The following GABRG3 variants were observed in gnomAD, a reference collection of about 807,000 sequenced individuals.
GABRG3 encodes gamma-aminobutyric acid receptor subunit gamma-3.
A neutral mutation model predicts 48.8 loss-of-function variants in GABRG3; 25 were observed. The ratio of observed to expected loss-of-function variants is 0.51; its 90% CI spans 0.37 to 0.72. GABRG3 has a LOEUF of 0.72. Among genes scored for constraint, GABRG3 ranks in the 30% least tolerant of loss-of-function variants. The pLI, the probability that GABRG3 is intolerant of heterozygous loss-of-function variation, is 0.00. For missense variants in GABRG3, 394 were observed against 577.9 expected (o/e 0.68, Z 3.26); for synonymous variants, 227 against 217.6 (o/e 1.04, Z -0.38).
At chr15:27,323,613 G>A (rs941692013) in intron 3 of GABRG3, among the ~76,000 whole-genome samples, 1 of 152,188 alleles carries the variant, frequency 6.6e-6, no homozygotes, top group Non-Finnish European at 1.5e-5. Context: ...ATCCTGCCAG[G>A]ATGGAGGGAA....
At chr15:27,487,310 T>G (rs1890244331) in intron 6 of GABRG3, among the ~76,000 whole-genome samples, 1 of 152,224 alleles carries the variant, frequency 6.6e-6, no homozygotes, top group Non-Finnish European at 1.5e-5. Flanking sequence ...CCTGAATAAA[T>G]TATAACATTT....
At chr15:27,115,381 C>T (rs1897623138) in intron 3 of GABRG3, among the ~76,000 whole-genome samples, 1 of 152,156 alleles carries the variant, frequency 6.6e-6, no homozygotes, top group Non-Finnish European at 1.5e-5. Context: ...GCACAGAACA[C>T]GGTGGACCCA....
chr15:27,483,482 G>A (rs1890146062), intron 6 of GABRG3, among the ~76,000 whole-genome samples: 1 of 152,198 alleles, frequency 6.6e-6, no homozygotes, highest in African/African-American at 2.4e-5. Context: ...CAGGTACTGA[G>A]GGTTAGGACT....
chr15:27,114,121 A>T (rs1897602422), intron 3 of GABRG3, among the ~76,000 whole-genome samples: 1 of 152,178 alleles, frequency 6.6e-6, no homozygotes, highest in Admixed American at 6.5e-5. Flanking sequence ...TTTTTAATAG[A>T]TTATTTGCAG....
intron 5 of GABRG3, among the ~76,000 whole-genome samples, chr15:27,395,674 T>TA (rs890668578): frequency 2.0e-5 from 3 of 151,932 alleles, no homozygotes; most frequent in African/African-American, 7.3e-5. Context: ...ACATCCATAA[T>TA]AAAAAAATGA....
chr15:27,449,943 A>C (rs554974618), intron 5 of GABRG3, among the ~76,000 whole-genome samples: 97 of 152,354 alleles, frequency 6.4e-4, no homozygotes, highest in Middle Eastern at 3.4e-3. Flanking sequence ...TACTTTTTCT[A>C]TAGGTGTACA....
intron 5 of GABRG3, among the ~76,000 whole-genome samples, chr15:27,438,715 C>G (rs1477905344): frequency 6.6e-6 from 1 of 152,196 alleles, no homozygotes; most frequent in East Asian, 1.9e-4. Flanking sequence ...AGATGAATCA[C>G]CAAGAGAATG....
chr15:27,404,131 G>A (rs1887562781), intron 5 of GABRG3, among the ~76,000 whole-genome samples: 1 of 152,144 alleles, frequency 6.6e-6, no homozygotes, highest in African/African-American at 2.4e-5. Context: ...TGAGGCAGGA[G>A]AATGGCACGA....
chr15:27,479,025 GA>G (rs1422262497), intron 5 of GABRG3, among the ~76,000 whole-genome samples: 1 of 151,924 alleles, frequency 6.6e-6, no homozygotes, highest in East Asian at 1.9e-4. Context: ...GGAAAGGGGG[GA>G]AAAGGGGAGT....
intron 3 of GABRG3, among the ~76,000 whole-genome samples, chr15:27,301,913 A>AT (rs1355391593): frequency 6.6e-6 from 1 of 152,112 alleles, no homozygotes; most frequent in African/African-American, 2.4e-5. Context: ...GAGGCATGGC[A>AT]TTTTTCAAGT....
At chr15:27,312,182 T>C (rs545962856) in intron 3 of GABRG3, among the ~76,000 whole-genome samples, 1 of 152,204 alleles carries the variant, frequency 6.6e-6, no homozygotes, top group South Asian at 2.1e-4. Flanking sequence ...TTGAGGGGTT[T>C]AACAGCAGAG....
chr15:26,982,882 T>G (rs2140639666), intron 2 of GABRG3, among the ~76,000 whole-genome samples: 1 of 152,320 alleles, frequency 6.6e-6, no homozygotes, highest in East Asian at 1.9e-4. Context: ...ATCTGGTCCC[T>G]GGGGCAGCAG....
chr15:27,227,293 C>T (rs1889652699), intron 3 of GABRG3, among the ~76,000 whole-genome samples: 1 of 152,098 alleles, frequency 6.6e-6, no homozygotes, highest in Admixed American at 6.5e-5. Context: ...CAGTTTGAGA[C>T]AAGTCTGGAC....
intron 3 of GABRG3, among the ~76,000 whole-genome samples, chr15:27,313,286 A>ATG (rs1461098976): frequency 3.7e-5 from 4 of 109,122 alleles, no homozygotes; most frequent in Admixed American, 3.0e-4. Flanking sequence ...ATATATATAT[A>ATG]TATATATATA....
intron 5 of GABRG3, among the ~76,000 whole-genome samples, chr15:27,335,807 A>G (rs1197604882): frequency 8.5e-5 from 13 of 152,228 alleles, no homozygotes; most frequent in Non-Finnish European, 8.8e-5. Context: ...AATGATTAAA[A>G]TGATACATTT....
intron 3 of GABRG3, among the ~76,000 whole-genome samples, chr15:27,153,157 G>A (rs1028923609): frequency 1.3e-5 from 2 of 152,194 alleles, no homozygotes; most frequent in Non-Finnish European, 2.9e-5. Context: ...CACGGCGCCT[G>A]GCCTGAGTTA....
In GABRG3 at chr15:27,388,289, A is replaced by G. The variant is rs1407703236; in HGVS notation, c.574+59401A>G. Among the ~76,000 whole-genome samples the G allele has an allele frequency of 5.5e-4, 24 of 43,878 alleles. 5 individuals are homozygous for G. The highest frequency in any genetic ancestry group is 5.1e-3 in the East Asian group (4 of 786). 28.8% of individuals were successfully genotyped at this position (43,878 alleles called of 152,430 possible). A position where few individuals can be genotyped will look rare whatever the true frequency, so the allele number is the denominator to read the frequency against. ...AGGGAGGGAGGGTAAGGAAGGAAGG[A>G]AGAAAAGAAGGAAGGAAAGGGAGGG... is the stretch of plus-strand genomic sequence containing the variant. On this transcript the variant is annotated intron_variant, in intron 5 of 9. Transcript: ENST00000615808.
intron 2 of GABRG3, among the ~76,000 whole-genome samples, chr15:27,008,746 G>A (rs945127379): frequency 1.3e-5 from 2 of 151,854 alleles, no homozygotes; most frequent in African/African-American, 2.4e-5. Flanking sequence ...ATATTAATCC[G>A]GTAAATGGCA....
intron 1 of GABRG3, 118 bp downstream of exon 1, chr15:26,971,706 G>C (rs1894849071): frequency 1.7e-6 from 2 of 1,168,712 alleles, no homozygotes; most frequent in Admixed American, 3.7e-5. Context: ...GGCACGGCGG[G>C]CCGGGAGGGG....
Sources: allele counts gnomAD v4.1 joint callset (sites outside exome capture counted in the v4.1 genomes callset), GRCh38; gene constraint gnomAD v4.1.1; transcripts MANE v1.5; gene names NCBI Gene and HGNC (gene_info 2026-07-23, HGNC 2026-07-21).